The following DRAM1 variants were observed in gnomAD, a reference collection of about 807,000 sequenced individuals.
DRAM1 encodes DNA damage regulated autophagy modulator 1, also known as DNA damage-regulated autophagy modulator protein 1.
In DRAM1, 25 loss-of-function variants were observed where a neutral mutation model predicts 28.5. The ratio of observed to expected loss-of-function variants is 0.88; its 90% CI spans 0.64 to 1.23. The LOEUF (loss-of-function observed/expected upper bound fraction) is 1.23, where lower values mean the gene tolerates loss of function less well. Among genes scored for constraint, DRAM1 ranks in the 50% most tolerant of loss-of-function variants. The pLI is 0.00. For missense variants in DRAM1, 249 were observed against 299.2 expected (o/e 0.83, Z 1.24); for synonymous variants, 113 against 114.2 (o/e 0.99, Z 0.07).
intron 4 of DRAM1, among the ~76,000 whole-genome samples, chr12:101,911,906 T>C (rs1050429264): frequency 4.2e-4 from 64 of 152,166 alleles, no homozygotes; most frequent in African/African-American, 1.5e-3. Context: ...AGATAAGATA[T>C]ATTATTAAAA....
At chr12:101,887,661 G>C (rs1872937915) in intron 1 of DRAM1, among the ~76,000 whole-genome samples, 2 of 151,744 alleles carry the variant, frequency 1.3e-5, no homozygotes, top group African/African-American at 4.8e-5. Context: ...CCCCTGAGTA[G>C]CTGGGACTAC....
chr12:101,889,241 C>G (rs567764011), intron 1 of DRAM1, among the ~76,000 whole-genome samples: 1 of 152,212 alleles, frequency 6.6e-6, no homozygotes, highest in Admixed American at 6.5e-5. Context: ...GCTGATATAC[C>G]CCTGATTGAA....
Position 101,877,585 on chromosome 12 carries a change from G to C in DRAM1, c.-205G>C, listed in dbSNP as rs934894451. ...GGGCAGCCCGCGCCCCACCCACTCT[G>C]GCCCGGCAGCCTCGCCGCCCGCAGC... is the stretch of plus-strand genomic sequence containing the variant. On this transcript the variant is annotated 5_prime_UTR_variant, in exon 1 of 7. Coordinates refer to ENST00000258534, the MANE Select transcript of DRAM1 (RefSeq NM_018370.3). This position sits in a 1 kb window ranked among gnomAD's most constrained non-coding sequence, Gnocchi z 4.1. 3.4e-6 allele frequency: 1 copy of C among 292,860 alleles called. No homozygotes were observed. The highest frequency in any genetic ancestry group is 6.2e-6 in the Non-Finnish European group (1 of 161,214). The allele number at this position is 292,860 out of a possible 1,614,324, so 18.1% of individuals were successfully genotyped here.
intron 1 of DRAM1, among the ~76,000 whole-genome samples, chr12:101,894,597 C>T (rs1873277011): frequency 6.6e-6 from 1 of 152,062 alleles, no homozygotes; most frequent in Non-Finnish European, 1.5e-5. Context: ...GAATAGAACA[C>T]GACCCTGGAA....
At chr12:101,904,407 T>C (rs964237913) in intron 3 of DRAM1, among the ~76,000 whole-genome samples, 4 of 138,020 alleles carry the variant, frequency 2.9e-5, no homozygotes, top group African/African-American at 1.1e-4. Flanking sequence ...TTTTTGAAGC[T>C]GAGTGATAGA....
chr12:101,912,017 G>C (rs1206287322), intron 4 of DRAM1, among the ~76,000 whole-genome samples: 1 of 152,076 alleles, frequency 6.6e-6, no homozygotes, highest in Non-Finnish European at 1.5e-5. Context: ...TGGCTAACGT[G>C]GTGAAACCCC....
Position 101,895,567 on chromosome 12 carries a change from T to TTTTTGG in DRAM1, c.132-2292_132-2291insGGTTTT, listed in dbSNP as rs1491498963. ...AAGGCATTTGCTGTAAGGGAGGCTA[T>TTTTTGG]TTTTTTTTTTTTTTTTTTTTTGAGA... On this transcript the variant is annotated intron_variant, in intron 1 of 6. Transcript: ENST00000258534. Among the ~76,000 whole-genome samples, 8 of 26,372 alleles carry TTTTTGG rather than the reference T, an allele frequency of 3.0e-4. 3 individuals are homozygous for TTTTTGG. Among genetic ancestry groups the TTTTTGG allele is most frequent in the East Asian group, 0.013 (2 of 152 alleles). The allele number at this position is 26,372 out of a possible 152,430, so 17.3% of individuals were successfully genotyped here. A position where few individuals can be genotyped will look rare whatever the true frequency, so the allele number is the denominator to read the frequency against.
At chr12:101,921,071 G>T in intron 6 of DRAM1, 145 bp from the exon 7 acceptor site, 1 of 673,782 alleles carries the variant, frequency 1.5e-6, no homozygotes. Context: ...AGAAAGCCAA[G>T]AAAATTCTTT....
chr12:101,904,787 T>TTA (rs893849561), intron 3 of DRAM1, among the ~76,000 whole-genome samples: 7 of 152,108 alleles, frequency 4.6e-5, no homozygotes, highest in Admixed American at 3.9e-4. Flanking sequence ...CTCTCTGTTG[T>TTA]TATTACCTTT....
At chr12:101,880,786 C>G (rs1872663013) in intron 1 of DRAM1, among the ~76,000 whole-genome samples, 1 of 152,118 alleles carries the variant, frequency 6.6e-6, no homozygotes, top group Admixed American at 6.6e-5. Flanking sequence ...GGAAAATAAG[C>G]TGACAAGGTG....
At chr12:101,896,720 A>G (rs1349371274) in intron 1 of DRAM1, among the ~76,000 whole-genome samples, 1 of 152,196 alleles carries the variant, frequency 6.6e-6, no homozygotes. Context: ...ACCACAATTA[A>G]TATACCCTAG....
intron 1 of DRAM1, among the ~76,000 whole-genome samples, chr12:101,896,376 G>A (rs7954630): frequency 0.51 from 77,985 of 152,024 alleles, 20,490 homozygotes; most frequent in East Asian, 0.63. Flanking sequence ...CTCAAAATGA[G>A]TTCAAGTTGT....
At chr12:101,917,114 G>GA (rs1874274653) in intron 5 of DRAM1, among the ~76,000 whole-genome samples, 1 of 152,244 alleles carries the variant, frequency 6.6e-6, no homozygotes, top group Non-Finnish European at 1.5e-5. Context: ...GGGAGTCAGT[G>GA]ATGTTTGTCA....
chr12:101,915,796 G>A (rs775383401), intron 5 of DRAM1, among the ~76,000 whole-genome samples: 6 of 151,970 alleles, frequency 3.9e-5, no homozygotes, highest in Non-Finnish European at 7.4e-5. Flanking sequence ...TCTGCACCTC[G>A]TGATCTGCCC....
chr12:101,882,107 A>ATTTTTTTTTTT (rs78402038), intron 1 of DRAM1, among the ~76,000 whole-genome samples: 10 of 129,594 alleles, frequency 7.7e-5, no homozygotes, highest in Admixed American at 1.7e-4. Flanking sequence ...TGATGGTCTA[A>ATTTTTTTTTTT]TTTTTTTTTT....
chr12:101,883,850 C>T lies in DRAM1; in HGVS notation c.131+5930C>T, dbSNP rs192802671. Among the ~76,000 whole-genome samples, 1,508 of 150,956 alleles carry T rather than the reference C, an allele frequency of 1.0e-2. 33 individuals are homozygous for T. Among genetic ancestry groups the T allele is most frequent in the African/African-American group, 0.035 (1,437 of 41,314 alleles). ...ACTCAGGAGGCTGAGGCAGAAGAAT[C>T]GCTTGAACCCGGAGGTGGAGGTTGC... On this transcript the variant is annotated intron_variant, in intron 1 of 6. Transcript: ENST00000258534.
intron 1 of DRAM1, among the ~76,000 whole-genome samples, chr12:101,880,795 T>C (rs1872663274): frequency 6.6e-6 from 1 of 152,070 alleles, no homozygotes; most frequent in Non-Finnish European, 1.5e-5. Flanking sequence ...GCTGACAAGG[T>C]GAACCACTTA....
intron 2 of DRAM1, among the ~76,000 whole-genome samples, chr12:101,898,874 G>C (rs1873488305): frequency 6.6e-6 from 1 of 152,174 alleles, no homozygotes; most frequent in African/African-American, 2.4e-5. Context: ...GTGCAACCTT[G>C]TCATAAGCCA....
At chr12:101,890,385 T>G (rs1873068447) in intron 1 of DRAM1, among the ~76,000 whole-genome samples, 2 of 65,636 alleles carry the variant, frequency 3.0e-5, no homozygotes, top group Non-Finnish European at 5.6e-5. Context: ...CGGCCCTATT[T>G]TTTTTGGTCC....
Sources: allele counts gnomAD v4.1 joint callset (sites outside exome capture counted in the v4.1 genomes callset), GRCh38; gene constraint gnomAD v4.1.1; non-coding constraint Gnocchi (gnomAD v3.1); transcripts MANE v1.5; gene names NCBI Gene and HGNC (gene_info 2026-07-23, HGNC 2026-07-21).